The following FUT9 variants were observed in gnomAD, a reference collection of about 807,000 sequenced individuals.
FUT9 encodes the protein fucosyltransferase 9.
In FUT9, 15 loss-of-function variants were observed where a neutral mutation model predicts 29.7. The ratio of observed to expected loss-of-function variants is 0.51; its 90% CI spans 0.34 to 0.78. The LOEUF (loss-of-function observed/expected upper bound fraction) is 0.78, where lower values mean the gene tolerates loss of function less well. Among genes scored for constraint, FUT9 ranks in the 30% least tolerant of loss-of-function variants. The pLI, the probability that FUT9 is intolerant of heterozygous loss-of-function variation, is 0.01. For missense variants in FUT9, 319 were observed against 425.4 expected, an observed-to-expected ratio of 0.75 and a Z score of 2.20; for synonymous variants, 169 against 153.7, an observed-to-expected ratio of 1.10 and a Z score of -0.74.
At chr6:96,067,057 G>T (rs183521337) in intron 1 of FUT9, among the ~76,000 whole-genome samples, 14 of 151,510 alleles carry the variant, frequency 9.2e-5, no homozygotes, top group African/African-American at 3.4e-4. Flanking sequence ...ATATTGTTAA[G>T]GTTAAAAAAT....
At chr6:96,057,424 C>T (rs1044221422) in intron 1 of FUT9, among the ~76,000 whole-genome samples, 2 of 152,138 alleles carry the variant, frequency 1.3e-5, no homozygotes, top group Admixed American at 6.5e-5. Flanking sequence ...AAGCTACATG[C>T]TTCAGACATA....
rs2127994015 is a variant in FUT9, at chr6:96,212,352, A to G, written c.*8117A>G. 1 of 412,638 alleles carries G rather than the reference A, an allele frequency of 2.4e-6. No individual in the cohort carries two copies. Among genetic ancestry groups the G allele is most frequent in the East Asian group, 3.6e-5 (1 of 28,040 alleles). The allele number at this position is 412,638 out of a possible 1,614,324, so 25.6% of individuals were successfully genotyped here. ...TGTAATGAGATCAGGCTTTTCATTT[A>G]CTGGTTTTCTGCCTCAAGAGTCCTT... is the stretch of plus-strand genomic sequence containing the variant. On this transcript the variant is annotated 3_prime_UTR_variant, in exon 3 of 3. Transcript: ENST00000302103.
intron 1 of FUT9, among the ~76,000 whole-genome samples, chr6:96,056,244 T>C (rs1470869638): frequency 2.0e-5 from 3 of 152,196 alleles, no homozygotes; most frequent in Non-Finnish European, 2.9e-5. Context: ...GCTTTCAACT[T>C]TTCAAATACC....
rs187423159 is a variant in FUT9 at position 96,214,881 on chromosome 6, A to G, written c.*10646A>G. 1.2e-5 allele frequency: 2 copies of G among 167,116 alleles called. No homozygotes were observed. The highest frequency in any genetic ancestry group is 3.9e-4 in the East Asian group (2 of 5,190). The allele number at this position is 167,116 out of a possible 1,614,324, so 10.4% of individuals were successfully genotyped here. A position where few individuals can be genotyped will look rare whatever the true frequency, so the allele number is the denominator to read the frequency against. ...CCTTCCAGTTCAATTTAACAGCTTC[A>G]GTGAAGTTAGTATAATGATAAGAAA... On this transcript the variant is annotated 3_prime_UTR_variant, in exon 3 of 3. Coordinates refer to ENST00000302103, the MANE Select transcript of FUT9 (RefSeq NM_006581.4).
intron 1 of FUT9, among the ~76,000 whole-genome samples, chr6:96,058,685 G>C (rs971106608): frequency 2.6e-5 from 4 of 152,130 alleles, no homozygotes; most frequent in Non-Finnish European, 5.9e-5. Flanking sequence ...ACCAACCTTT[G>C]ATAATGTATG....
At chr6:96,145,622 C>T (rs1405310289) in intron 2 of FUT9, among the ~76,000 whole-genome samples, 1 of 152,092 alleles carries the variant, frequency 6.6e-6, no homozygotes, top group East Asian at 1.9e-4. Flanking sequence ...AAGAAGGCCT[C>T]ATTGTGGAAA....
At chr6:96,039,239 A>G (rs1770413531) in intron 1 of FUT9, among the ~76,000 whole-genome samples, 1 of 152,100 alleles carries the variant, frequency 6.6e-6, no homozygotes, top group Non-Finnish European at 1.5e-5. Context: ...ACACACACGT[A>G]TATGCCATTA....
chr6:96,044,820 TG>T (rs1352484465), intron 1 of FUT9, among the ~76,000 whole-genome samples: 2 of 152,246 alleles, frequency 1.3e-5, no homozygotes. Flanking sequence ...ATGAGAGTAC[TG>T]TATAAATTAA....
At chr6:96,026,910 C>T (rs527742807) in intron 1 of FUT9, among the ~76,000 whole-genome samples, 1 of 151,748 alleles carries the variant, frequency 6.6e-6, no homozygotes, top group Admixed American at 6.6e-5. Context: ...GCCTACCTCC[C>T]CAACTGAAGC....
chr6:96,124,685 A>G (rs1243342881), intron 2 of FUT9, among the ~76,000 whole-genome samples: 1 of 152,012 alleles, frequency 6.6e-6, no homozygotes, highest in Non-Finnish European at 1.5e-5. Flanking sequence ...CTCCATAGTC[A>G]ACAATTTTGT....
intron 1 of FUT9, among the ~76,000 whole-genome samples, chr6:96,073,427 A>C (rs1044005931): frequency 1.5e-4 from 23 of 150,016 alleles, no homozygotes; most frequent in African/African-American, 5.4e-4. Flanking sequence ...CCAGCTTGGG[A>C]GACAGAGTGA....
rs142933716 is a variant in FUT9, at chr6:96,074,227, A to G, written c.-97-39812A>G. Among the ~76,000 whole-genome samples, 933 of 152,280 alleles carry G rather than the reference A, an allele frequency of 6.1e-3. 13 individuals are homozygous for G. The highest frequency in any genetic ancestry group is 0.021 in the African/African-American group (887 of 41,566). On this transcript the variant is annotated intron_variant, in intron 1 of 2. Coordinates refer to ENST00000302103, the MANE Select transcript of FUT9 (RefSeq NM_006581.4). ...CCTGCCTGGCAGCTGCACGTGGCCT[A>G]TTAGCACAGCCGTTTACATAAAATT...
intron 1 of FUT9, among the ~76,000 whole-genome samples, chr6:96,086,671 C>T (rs1193389030): frequency 6.6e-6 from 1 of 151,980 alleles, no homozygotes; most frequent in African/African-American, 2.4e-5. Context: ...AAATAGGAAC[C>T]CAAGTTTATT....
intron 1 of FUT9, among the ~76,000 whole-genome samples, chr6:96,076,777 TA>T (rs1771147733): frequency 6.6e-6 from 1 of 152,216 alleles, no homozygotes; most frequent in South Asian, 2.1e-4. Context: ...GACATGTTTC[TA>T]AGAGTAGTTA....
At chr6:96,096,922 T>C (rs182865923) in intron 1 of FUT9, among the ~76,000 whole-genome samples, 2 of 152,198 alleles carry the variant, frequency 1.3e-5, no homozygotes, top group East Asian at 3.9e-4. Flanking sequence ...AATTTTTATT[T>C]CATCTGTTCA....
chr6:96,156,760 GT>G, intron 2 of FUT9, among the ~76,000 whole-genome samples: 1 of 152,224 alleles, frequency 6.6e-6, no homozygotes, highest in South Asian at 2.1e-4. Flanking sequence ...CCTTTCACTG[GT>G]TTTGAAGGTT....
chr6:96,165,543 C>T (rs994325484), intron 2 of FUT9, among the ~76,000 whole-genome samples: 2 of 151,704 alleles, frequency 1.3e-5, no homozygotes, highest in African/African-American at 4.8e-5. Flanking sequence ...AAAGACCCAA[C>T]CCAATGCAAA....
At chr6:96,067,016 T>C (rs1267343262) in intron 1 of FUT9, among the ~76,000 whole-genome samples, 1 of 152,006 alleles carries the variant, frequency 6.6e-6, no homozygotes, top group Admixed American at 6.6e-5. Context: ...AGCCAAAACT[T>C]ATTGAATAGC....
At chr6:96,120,030 C>T (rs1213127181) in intron 2 of FUT9, among the ~76,000 whole-genome samples, 1 of 151,796 alleles carries the variant, frequency 6.6e-6, no homozygotes, top group Non-Finnish European at 1.5e-5. Context: ...TATATTTAAC[C>T]CTCATTTGTT....
Sources: allele counts gnomAD v4.1 joint callset (sites outside exome capture counted in the v4.1 genomes callset), GRCh38; gene constraint gnomAD v4.1.1; transcripts MANE v1.5; gene names NCBI Gene and HGNC (gene_info 2026-07-23, HGNC 2026-07-21).